The following BABAM2 variants were observed in gnomAD, a reference collection of about 807,000 sequenced individuals.
BABAM2 encodes BRISC and BRCA1 A complex member 2.
A neutral mutation model predicts 54.7 loss-of-function variants in BABAM2; 31 were observed. The observed-to-expected ratio is 0.57, with a 90% confidence interval of 0.43 to 0.77. The LOEUF (loss-of-function observed/expected upper bound fraction) is 0.77, where lower values mean the gene tolerates loss of function less well. Ranked by LOEUF, BABAM2 falls within the 30% of genes least tolerant of loss-of-function variation. The probability of loss-of-function intolerance (pLI) is 0.00; values close to 1 mark genes in which losing one functional copy is unlikely to be tolerated. For synonymous variants in BABAM2, 167 were observed against 162.9 expected (o/e 1.03, Z -0.19); for missense variants, 364 against 455.8 (o/e 0.80, Z 1.83).
intron 7 of BABAM2, among the ~76,000 whole-genome samples, chr2:28,190,776 A>G (rs1307014426): frequency 6.6e-6 from 1 of 152,216 alleles, no homozygotes; most frequent in Non-Finnish European, 1.5e-5. Flanking sequence ...TACTAATACC[A>G]TTAATACCAT....
intron 1 of BABAM2, among the ~76,000 whole-genome samples, chr2:27,894,006 A>G (rs1216982016): frequency 6.6e-6 from 1 of 151,872 alleles, no homozygotes; most frequent in African/African-American, 2.4e-5. Flanking sequence ...AAAAAAAGAA[A>G]AAAAAAGAAA....
intron 4 of BABAM2, among the ~76,000 whole-genome samples, chr2:27,989,678 C>T (rs1474217459): frequency 2.0e-5 from 3 of 151,884 alleles, no homozygotes; most frequent in African/African-American, 4.8e-5. Flanking sequence ...AAGGAGAGAT[C>T]GAAGACCAGA....
intron 4 of BABAM2, among the ~76,000 whole-genome samples, chr2:28,014,012 A>G (rs1674613083): frequency 6.6e-6 from 1 of 152,276 alleles, no homozygotes; most frequent in South Asian, 2.1e-4. Flanking sequence ...ATTTGTGGCT[A>G]AAGTCTTAAA....
chr2:28,265,543 C>A (rs1684908260), intron 10 of BABAM2, among the ~76,000 whole-genome samples: 1 of 152,168 alleles, frequency 6.6e-6, no homozygotes, highest in East Asian at 1.9e-4. Context: ...CTCCATGACT[C>A]CTGGGTATTG....
chr2:28,140,929 A>G (rs1262655206), intron 7 of BABAM2, among the ~76,000 whole-genome samples: 1 of 152,168 alleles, frequency 6.6e-6, no homozygotes, highest in Non-Finnish European at 1.5e-5. Flanking sequence ...CAAGGTGCTA[A>G]TAAATTTGGT....
chr2:28,184,377 G>C (rs922356804), intron 7 of BABAM2, among the ~76,000 whole-genome samples: 1 of 149,538 alleles, frequency 6.7e-6, no homozygotes, highest in Non-Finnish European at 1.5e-5. Flanking sequence ...TGTGCACAAA[G>C]TGTAGGTTTG....
chr2:28,155,527 G>A (rs1030972972), intron 7 of BABAM2, among the ~76,000 whole-genome samples: 7 of 152,038 alleles, frequency 4.6e-5, no homozygotes, highest in African/African-American at 1.7e-4. Context: ...TTCATACTAA[G>A]GTGACTGAGC....
chr2:28,013,665 TAAAAAAAA>T (rs55636414), intron 4 of BABAM2, among the ~76,000 whole-genome samples: 1 of 58,066 alleles, frequency 1.7e-5, no homozygotes. Context: ...GTCCAGCAAG[TAAAAAAAA>T]AAAAAAAAAA....
At chr2:28,229,806 C>G (rs1681209217) in intron 7 of BABAM2, among the ~76,000 whole-genome samples, 1 of 152,112 alleles carries the variant, frequency 6.6e-6, no homozygotes, top group South Asian at 2.1e-4. Flanking sequence ...AGGCTGGTCT[C>G]AAACTCCTGA....
intron 3 of BABAM2, among the ~76,000 whole-genome samples, chr2:27,944,797 A>G (rs1669176827): frequency 6.6e-6 from 1 of 152,160 alleles, no homozygotes; most frequent in Non-Finnish European, 1.5e-5. Context: ...TTTAAGGGCT[A>G]AACTGTTTTC....
intron 10 of BABAM2, among the ~76,000 whole-genome samples, chr2:28,296,798 C>T (rs752304167): frequency 1.3e-5 from 2 of 152,202 alleles, no homozygotes; most frequent in Non-Finnish European, 2.9e-5. Flanking sequence ...AGCGATTCTT[C>T]TGCCTCAGAC....
intron 10 of BABAM2, among the ~76,000 whole-genome samples, chr2:28,270,183 G>T (rs1188071875): frequency 6.6e-6 from 1 of 152,032 alleles, no homozygotes; most frequent in Admixed American, 6.6e-5. Flanking sequence ...GTATAGTGGT[G>T]CAATCATAGC....
chr2:28,019,802 G>C (rs934207280), intron 4 of BABAM2, among the ~76,000 whole-genome samples: 1 of 152,172 alleles, frequency 6.6e-6, no homozygotes, highest in African/African-American at 2.4e-5. Context: ...TCAAATGGCT[G>C]TAAGTATTTG....
chr2:28,255,479 T>G (rs1389344365), intron 10 of BABAM2, among the ~76,000 whole-genome samples: 1 of 152,162 alleles, frequency 6.6e-6, no homozygotes, highest in East Asian at 1.9e-4. Context: ...TTCACCATGC[T>G]GGCCAAGCTG....
At chr2:28,146,326 C>T (rs1671488412) in intron 7 of BABAM2, among the ~76,000 whole-genome samples, 1 of 152,180 alleles carries the variant, frequency 6.6e-6, no homozygotes, top group African/African-American at 2.4e-5. Context: ...TTCTTGTCTA[C>T]TTCCTACCCT....
chr2:28,147,753 G>A (rs940203662), intron 7 of BABAM2, among the ~76,000 whole-genome samples: 2 of 152,182 alleles, frequency 1.3e-5, no homozygotes, highest in Non-Finnish European at 2.9e-5. Flanking sequence ...GATAACAGGC[G>A]TGAGCCACTG....
intron 3 of BABAM2, among the ~76,000 whole-genome samples, chr2:27,959,831 ATTT>A (rs936090180): frequency 6.9e-6 from 1 of 144,072 alleles, no homozygotes; most frequent in Non-Finnish European, 1.5e-5. Context: ...CTTTTGCTTG[ATTT>A]TTTTTTTTCG....
intron 7 of BABAM2, among the ~76,000 whole-genome samples, chr2:28,207,548 A>G (rs1679002602): frequency 6.6e-6 from 1 of 152,138 alleles, no homozygotes; most frequent in Admixed American, 6.6e-5. Flanking sequence ...GTCTCAAAAA[A>G]TAAATAAAAA....
Position 28,231,785 on chromosome 2 carries a change from CTTTTTTTTT to C in BABAM2, c.681-5387_681-5379del, listed in dbSNP as rs549515372. On this transcript the variant is annotated intron_variant, in intron 7 of 11. Transcript: ENST00000379624. ...CATTCTAATGCTTTGAGAGAGATGT[CTTTTTTTTT>C]TTTTTTTTTTTTTTTTTTTTTTTTT... Among the ~76,000 whole-genome samples the C allele has an allele frequency of 8.1e-3, 464 of 57,456 alleles. 4 individuals carry two copies. Among genetic ancestry groups the C allele is most frequent in the African/African-American group, 0.023 (362 of 15,800 alleles). 37.7% of individuals were successfully genotyped at this position (57,456 alleles called of 152,430 possible). A position where few individuals can be genotyped will look rare whatever the true frequency, so the allele number is the denominator to read the frequency against.
Sources: allele counts gnomAD v4.1 joint callset (sites outside exome capture counted in the v4.1 genomes callset), GRCh38; gene constraint gnomAD v4.1.1; transcripts MANE v1.5; gene names NCBI Gene and HGNC (gene_info 2026-07-23, HGNC 2026-07-21).